TTC29: variants seen among roughly 807,000 people sequenced by gnomAD.
The protein encoded by TTC29 is tetratricopeptide repeat domain 29, also known as tetratricopeptide repeat protein 29.
TTC29 carries 49 observed loss-of-function variants against 58.1 expected under a neutral mutation model. The ratio of observed to expected loss-of-function variants is 0.84; its 90% CI spans 0.67 to 1.07. The LOEUF (loss-of-function observed/expected upper bound fraction) is 1.07, where lower values mean the gene tolerates loss of function less well. TTC29 is among the 50% of genes least tolerant of loss of function. The probability of loss-of-function intolerance (pLI) is 0.00; values close to 1 mark genes in which losing one functional copy is unlikely to be tolerated. For missense variants in TTC29, 582 were observed against 555.6 expected, an observed-to-expected ratio of 1.05 and a Z score of -0.48; for synonymous variants, 209 against 196.8, an observed-to-expected ratio of 1.06 and a Z score of -0.52.
chr4:146,722,576 G>A (rs1009355806), intron 11 of TTC29, among the ~76,000 whole-genome samples: 1 of 151,948 alleles, frequency 6.6e-6, no homozygotes, highest in Non-Finnish European at 1.5e-5. Context: ...ATGGAAAAAA[G>A]ACTCCTTATT....
chr4:146,915,176 A>G (rs572557521), intron 4 of TTC29, among the ~76,000 whole-genome samples: 7 of 152,290 alleles, frequency 4.6e-5, no homozygotes, highest in African/African-American at 1.7e-4. Flanking sequence ...ATTCACACCC[A>G]GCTCCCTCTG....
chr4:146,809,322 C>T (rs1236534617), intron 10 of TTC29, among the ~76,000 whole-genome samples: 1 of 150,032 alleles, frequency 6.7e-6, no homozygotes, highest in Non-Finnish European at 1.5e-5. Flanking sequence ...AGGACATAGG[C>T]ATGGGCAAAG....
chr4:146,940,685 G>A (rs1736301009), intron 2 of TTC29, among the ~76,000 whole-genome samples: 1 of 152,092 alleles, frequency 6.6e-6, no homozygotes, highest in South Asian at 2.1e-4. Context: ...GACTCAACTG[G>A]GGCTATCTGC....
chr4:146,850,005 A>T (rs1729419949), intron 8 of TTC29, among the ~76,000 whole-genome samples: 1 of 152,090 alleles, frequency 6.6e-6, no homozygotes, highest in Non-Finnish European at 1.5e-5. Context: ...TTTTTCCCAT[A>T]GTGTTTCTCA....
In TTC29 at chr4:146,726,868, A is replaced by G. The variant is rs1743824737; in HGVS notation, c.1331-19317T>C. Among the ~76,000 whole-genome samples, 5 of 152,128 alleles carry G rather than the reference A, an allele frequency of 3.3e-5. No individual in the cohort carries two copies. The South Asian group carries it at 1.0e-3, about 31-fold the overall frequency. On this transcript the variant is annotated intron_variant, in intron 11 of 12. Coordinates refer to ENST00000325106, the MANE Select transcript of TTC29 (RefSeq NM_031956.4). ...AGAATTCTGTAATTATTCTCTGTGG[A>G]TCACATTCCTTACTTTAAAAATTAA...
intron 4 of TTC29, among the ~76,000 whole-genome samples, chr4:146,917,506 T>C (rs1312727307): frequency 7.5e-6 from 1 of 133,250 alleles, no homozygotes; most frequent in Non-Finnish European, 1.7e-5. Flanking sequence ...GTGATATGCT[T>C]ATATTTTACC....
At chr4:146,938,012 G>GTTAT (rs1169854652) in intron 3 of TTC29, among the ~76,000 whole-genome samples, 2 of 152,202 alleles carry the variant, frequency 1.3e-5, no homozygotes, top group East Asian at 1.9e-4. Flanking sequence ...AACTGCTGAA[G>GTTAT]TTATATATTG....
chr4:146,813,160 G>A (rs1751139372), intron 10 of TTC29: 1 of 152,164 alleles, frequency 6.6e-6, no homozygotes, highest in South Asian at 2.1e-4. Flanking sequence ...TCTATTCAAT[G>A]AGCAAGCTCA....
chr4:146,716,627 T>A (rs1418653287), intron 11 of TTC29, among the ~76,000 whole-genome samples: 1 of 152,052 alleles, frequency 6.6e-6, no homozygotes, highest in African/African-American at 2.4e-5. Flanking sequence ...AGTTTTCTAA[T>A]GTATGTTGAG....
At chr4:146,925,669 C>T (rs1280473261) in intron 4 of TTC29, among the ~76,000 whole-genome samples, 1 of 152,074 alleles carries the variant, frequency 6.6e-6, no homozygotes, top group Non-Finnish European at 1.5e-5. Context: ...TTCCCTTAAT[C>T]AGCAATGCAT....
At chr4:146,775,528 T>C (rs960777906) in intron 11 of TTC29, among the ~76,000 whole-genome samples, 4 of 152,010 alleles carry the variant, frequency 2.6e-5, no homozygotes, top group African/African-American at 9.7e-5. Context: ...GGATATGAAA[T>C]TCTTGGTTGA....
chr4:146,817,748 G>A (rs151017782), intron 10 of TTC29, among the ~76,000 whole-genome samples: 22,092 of 152,038 alleles, frequency 0.15, 1,738 homozygotes, highest in African/African-American at 0.22. Flanking sequence ...TAGATCAATG[G>A]AACAGAACAG....
chr4:146,857,666 G>A (rs972379357), intron 8 of TTC29, among the ~76,000 whole-genome samples: 1 of 152,118 alleles, frequency 6.6e-6, no homozygotes, highest in Admixed American at 6.6e-5. Context: ...CAGCATCTGA[G>A]CTCCCCTCAG....
chr4:146,849,004 C>T (rs777084082), intron 8 of TTC29, among the ~76,000 whole-genome samples: 1 of 152,164 alleles, frequency 6.6e-6, no homozygotes, highest in South Asian at 2.1e-4. Flanking sequence ...TTGCTTGAAT[C>T]TCTATCTTGG....
chr4:146,707,865 C>T (rs1308910788), intron 11 of TTC29, among the ~76,000 whole-genome samples: 1 of 152,086 alleles, frequency 6.6e-6, no homozygotes, highest in Non-Finnish European at 1.5e-5. Flanking sequence ...AAAATGAGTT[C>T]TGGGGCTAGG....
rs575715923 is a variant in TTC29 at position 146,858,873 on chromosome 4, C to T, written c.885+8625G>A. Among the ~76,000 whole-genome samples, 5 of 152,212 alleles carry T rather than the reference C, an allele frequency of 3.3e-5. No homozygotes were observed. The East Asian group carries it at 7.7e-4, about 24-fold the overall frequency. ...ATGCTTGATTAGTTTGATTTTAGAG[C>T]CCATCAATTAATGATGTTGTTGTCC... On this transcript the variant is annotated intron_variant, in intron 8 of 12. Transcript: ENST00000325106.
intron 9 of TTC29, among the ~76,000 whole-genome samples, chr4:146,821,175 A>T (rs1458043314): frequency 6.6e-6 from 1 of 152,198 alleles, no homozygotes; most frequent in Non-Finnish European, 1.5e-5. Context: ...CATGAGATGG[A>T]AAGTAGGCTA....
chr4:146,941,248 T>C (rs1477333890), intron 2 of TTC29, among the ~76,000 whole-genome samples: 1 of 152,210 alleles, frequency 6.6e-6, no homozygotes, highest in East Asian at 1.9e-4. Context: ...CCTGTACTCT[T>C]AGCTTCACCA....
intron 6 of TTC29, among the ~76,000 whole-genome samples, chr4:146,898,579 G>A (rs546344165): frequency 1.5e-3 from 225 of 152,262 alleles, no homozygotes; most frequent in African/African-American, 4.8e-3. Context: ...CTTCCAAACC[G>A]GAAAATGTGC....
Sources: allele counts gnomAD v4.1 joint callset (sites outside exome capture counted in the v4.1 genomes callset), GRCh38; gene constraint gnomAD v4.1.1; transcripts MANE v1.5; gene names NCBI Gene and HGNC (gene_info 2026-07-23, HGNC 2026-07-21).